Variants in JAK3 observed in about 807,000 individuals in gnomAD.
The protein encoded by JAK3 is Janus kinase 3.
A neutral mutation model predicts 120.8 loss-of-function variants in JAK3; 88 were observed. The observed-to-expected ratio is 0.73, with a 90% confidence interval of 0.61 to 0.87. The LOEUF (loss-of-function observed/expected upper bound fraction) is 0.87. Among genes scored for constraint, JAK3 ranks in the 40% least tolerant of loss-of-function variants. JAK3 has a pLI of 0.00. For missense variants in JAK3, 1,254 were observed against 1,501.4 expected (o/e 0.84, Z 2.72); for synonymous variants, 592 against 628.6 (o/e 0.94, Z 0.87).
intron 23 of JAK3, among the ~76,000 whole-genome samples, chr19:17,827,282 T>G (rs2094205636): frequency 6.6e-6 from 1 of 151,946 alleles, no homozygotes. Context: ...CTCATTCAGT[T>G]TTAAAACACA....
At chr19:17,830,013 C>A in intron 23 of JAK3, 95 bp downstream of exon 23, 1 of 896,124 alleles carries the variant, frequency 1.1e-6, no homozygotes, top group Non-Finnish European at 1.8e-6. Context: ...TCTAGCCTTT[C>A]TTCTCAGTAC....
chr19:17,846,143 A>C (rs904923178), intron 1 of JAK3, among the ~76,000 whole-genome samples: 1 of 152,114 alleles, frequency 6.6e-6, no homozygotes, highest in Non-Finnish European at 1.5e-5. Flanking sequence ...CAATCAGAGG[A>C]CTAGGACCCC....
Position 17,831,695 on chromosome 19 carries a change from G to C in JAK3, c.2784C>G (p.Leu928=). The part of the protein sequence containing the change: ...RARLDASRLL[L]YSSQICKGME... ...GCACCTTGCAGATCTGCGAGGAATA[G>C]AGAAGGAGGCGGCTGGCATCGAGGC... The change falls in exon 20 of 24, where the codon CTC becomes CTG. Residue 928 remains leucine, a synonymous_variant. Coordinates refer to ENST00000458235, the MANE Select transcript of JAK3 (RefSeq NM_000215.4). The surrounding 1 kb of genome is among the most constrained non-coding windows in gnomAD (Gnocchi z 5.1). 1.2e-6 allele frequency: 2 copies of C among 1,609,872 alleles called. No individual in the cohort carries two copies. Among genetic ancestry groups the C allele is most frequent in the East Asian group, 4.5e-5 (2 of 44,744 alleles).
At chr19:17,844,698 G>A (rs1174126259) in intron 1 of JAK3, among the ~76,000 whole-genome samples, 1 of 151,440 alleles carries the variant, frequency 6.6e-6, no homozygotes, top group African/African-American at 2.4e-5. Context: ...TCGGGAGGCT[G>A]AGGCAGGACA....
In JAK3 at chr19:17,840,276, C is replaced by T. The variant is rs1599876167; in HGVS notation, c.1208G>A (p.Arg403His). ...GSRPGSYVLR[R>H]SPQDFDSFLL... ...GAAGCTGTCAAAGTCCTGGGGGCTG[C>T]GGCGGAGAACATAGGAGCCAGGACG... is the stretch of plus-strand genomic sequence containing the variant. The change falls in exon 9 of 24, where the codon CGC (arginine) becomes CAC (histidine). Residue 403 changes from arginine to histidine, a missense_variant. Transcript: ENST00000458235. 7 of 1,613,850 alleles carry T rather than the reference C, an allele frequency of 4.3e-6. No individual in the cohort carries two copies. The highest frequency in any genetic ancestry group is 2.2e-5 in the East Asian group (1 of 44,880).
rs893930970 is a variant in JAK3 at position 17,826,474 on chromosome 19, A to G, written c.*269T>C. ...GGGCTTAAGGGGTTGGGAAGATGCG[A>G]GAGTCTTAAATTTGGTTCCTTGCTT... On this transcript the variant is annotated 3_prime_UTR_variant, in exon 24 of 24. Transcript: ENST00000458235. 6 of 532,078 alleles carry G rather than the reference A, an allele frequency of 1.1e-5. No homozygotes were observed. In the South Asian group the frequency reaches 1.3e-4, roughly 12 times the overall value. The allele number at this position is 532,078 out of a possible 1,614,324, so 33.0% of individuals were successfully genotyped here. A position where few individuals can be genotyped will look rare whatever the true frequency, so the allele number is the denominator to read the frequency against.
intron 23 of JAK3, chr19:17,829,883 C>T (rs2094210587): frequency 9.7e-6 from 6 of 620,452 alleles, no homozygotes; most frequent in Non-Finnish European, 1.8e-5. Flanking sequence ...TTCCCTCACC[C>T]TATAAGGCAT....
intron 23 of JAK3, 148 bp downstream of exon 23, chr19:17,829,960 G>A (rs929908638): frequency 2.9e-6 from 2 of 699,158 alleles, no homozygotes; most frequent in Non-Finnish European, 5.2e-6. Context: ...CACACAGTGA[G>A]AGAGTAGCCA....
At chr19:17,830,749 C>T (rs958812793) in intron 21 of JAK3, 129 bp from the exon 22 acceptor site, 2 of 677,884 alleles carry the variant, frequency 3.0e-6, no homozygotes, top group Non-Finnish European at 5.3e-6. Flanking sequence ...TCCAGGGTCT[C>T]GGTTTCCCTG....
Position 17,831,480 on chromosome 19 carries a change from ACCCAGAC to A in JAK3, c.2806-87_2806-81del. The A allele has an allele frequency of 6.3e-7, 1 of 1,576,328 alleles. No homozygotes were observed. The highest frequency in any genetic ancestry group is 8.6e-7 in the Non-Finnish European group (1 of 1,161,626). ...ACCCCAAGCGTGACCTGGCACCCCAACCCAGACCCCAACTATAACCCTACCCCCGAGC... is the reference window on the plus strand; with the variant it reads ...ACCCCAAGCGTGACCTGGCACCCCAACCCAACTATAACCCTACCCCCGAGC... On this transcript the variant is annotated intron_variant, in intron 20 of 23. Coordinates refer to ENST00000458235, the MANE Select transcript of JAK3 (RefSeq NM_000215.4). The surrounding 1 kb of genome is among the most constrained non-coding windows in gnomAD (Gnocchi z 5.1).
rs2147697697 is a variant in JAK3, at chr19:17,842,496, G to A, written c.681C>T (p.Cys227=). The change falls in exon 6 of 24, where the codon TGC becomes TGT. Residue 227 remains cysteine, a synonymous_variant. Coordinates refer to ENST00000458235, the MANE Select transcript of JAK3 (RefSeq NM_000215.4). The surrounding 1 kb of genome is among the most constrained non-coding windows in gnomAD (Gnocchi z 6.4). ...CCATGAGCGAGTGCCGGTCTGCCTGGCAGGCGGCCACGCGGCGCAGGGCTC... is the reference window on the plus strand; with the variant it reads ...CCATGAGCGAGTGCCGGTCTGCCTGACAGGCGGCCACGCGGCGCAGGGCTC... ...VRRALRRVAA[C]QADRHSLMAK... The A allele has an allele frequency of 6.3e-7, 1 of 1,599,048 alleles. No individual in the cohort carries two copies. The highest frequency in any genetic ancestry group is 1.1e-5 in the South Asian group (1 of 89,108).
At position 17,842,949 on chromosome 19, in the gene JAK3, G is replaced by A; in HGVS notation, c.566+78C>T. On this transcript the variant is annotated intron_variant, in intron 5 of 23. Coordinates refer to ENST00000458235, the MANE Select transcript of JAK3 (RefSeq NM_000215.4). This position sits in a 1 kb window ranked among gnomAD's most constrained non-coding sequence, Gnocchi z 6.4. ...AGCTTGCAGGAGAACTCCATGGTGG[G>A]AGCCCGGCAAAGCCCCGATGGAGCC... The A allele has an allele frequency of 6.3e-7, 1 of 1,579,576 alleles. No homozygotes were observed. Among genetic ancestry groups the A allele is most frequent in the Non-Finnish European group, 8.6e-7 (1 of 1,161,244 alleles).
Position 17,843,006 on chromosome 19 carries a change from C to T in JAK3, c.566+21G>A. ...GCTCACTCCCAAGCAGAGGCCGTCC[C>T]CACAGCCTGGTGGCTCTCACCTGAC... On this transcript the variant is annotated intron_variant, in intron 5 of 23. Coordinates refer to ENST00000458235, the MANE Select transcript of JAK3 (RefSeq NM_000215.4). The surrounding 1 kb of genome is among the most constrained non-coding windows in gnomAD (Gnocchi z 5.4). 1.2e-6 allele frequency: 2 copies of T among 1,608,954 alleles called. No homozygotes were observed. Among genetic ancestry groups the T allele is most frequent in the Non-Finnish European group, 1.7e-6 (2 of 1,179,638 alleles).
intron 13 of JAK3, 61 bp downstream of exon 13, chr19:17,837,068 G>T: frequency 2.0e-6 from 2 of 1,020,086 alleles, no homozygotes; most frequent in Non-Finnish European, 2.7e-6. Context: ...GAACAGAGGT[G>T]GGAAGAACAG....
intron 1 of JAK3, among the ~76,000 whole-genome samples, chr19:17,846,224 G>T (rs1028431104): frequency 6.6e-6 from 1 of 152,172 alleles, no homozygotes; most frequent in Non-Finnish European, 1.5e-5. Flanking sequence ...TCTGCTGAGC[G>T]CAATCCAGGC....
At position 17,831,219 on chromosome 19, in the gene JAK3, G is replaced by T. The variant is rs750682558; in HGVS notation, c.2978+9C>A. ...GAATAGGGGCGGAGCCTAGGCGCGG[G>T]TTCCCCACCAGAAAATGGGGCTCTG... On this transcript the variant is annotated intron_variant, in intron 21 of 23. Transcript: ENST00000458235. The surrounding 1 kb of genome is among the most constrained non-coding windows in gnomAD (Gnocchi z 5.1). The T allele has an allele frequency of 1.3e-5, 21 of 1,610,952 alleles. No individual in the cohort carries two copies. Among genetic ancestry groups the T allele is most frequent in the Non-Finnish European group, 1.5e-5 (18 of 1,179,280 alleles).
Position 17,831,860 on chromosome 19 carries a change from C to T in JAK3, c.2681-62G>A. 1 of 1,601,820 alleles carries T rather than the reference C, an allele frequency of 6.2e-7. No homozygotes were observed. The highest frequency in any genetic ancestry group is 2.2e-5 in the East Asian group (1 of 44,630). Reference sequence around the variant, plus strand: ...CCTGCTCGTCCCCCCATTCTTCCCCCCTTTCACAGTGGGACCTTGTGTCCC... The same window carrying T: ...CCTGCTCGTCCCCCCATTCTTCCCCTCTTTCACAGTGGGACCTTGTGTCCC... On this transcript the variant is annotated intron_variant, in intron 19 of 23. Coordinates refer to ENST00000458235, the MANE Select transcript of JAK3 (RefSeq NM_000215.4). This position sits in a 1 kb window ranked among gnomAD's most constrained non-coding sequence, Gnocchi z 5.1.
chr19:17,837,236 G>A, intron 12 of JAK3, 23 bp from the exon 13 acceptor site: 1 of 1,541,856 alleles, frequency 6.5e-7, no homozygotes, highest in Non-Finnish European at 8.8e-7. Context: ...GGAAGGGAGA[G>A]AAGATGCGTG....
rs1015874656 is a variant in JAK3 at position 17,826,602 on chromosome 19, C to G, written c.*141G>C. On this transcript the variant is annotated 3_prime_UTR_variant, in exon 24 of 24. Coordinates refer to ENST00000458235, the MANE Select transcript of JAK3 (RefSeq NM_000215.4). ...AGGCTATTCTACAGGCCACGGGAGC[C>G]CCCCCAAATGCAATGTCATGGGGGT... 1 of 911,808 alleles carries G rather than the reference C, an allele frequency of 1.1e-6. No homozygotes were observed. The highest frequency in any genetic ancestry group is 1.6e-5 in the African/African-American group (1 of 61,282). The allele number at this position is 911,808 out of a possible 1,614,324, so 56.5% of individuals were successfully genotyped here. A position where few individuals can be genotyped will look rare whatever the true frequency, so the allele number is the denominator to read the frequency against.
Sources: gnomAD v4.1 joint callset for allele counts (sites outside exome capture counted in the v4.1 genomes callset) on GRCh38, gnomAD v4.1.1 for gene constraint, Gnocchi (gnomAD v3.1) non-coding constraint, MANE v1.5 for transcripts, NCBI Gene and HGNC (gene_info 2026-07-23, HGNC 2026-07-21) for gene names.